YWHAZ: variants seen among roughly 807,000 people sequenced by gnomAD.
The protein encoded by YWHAZ is 14-3-3 protein zeta/delta.
For synonymous variants in YWHAZ, 87 were observed against 103.6 expected (o/e 0.84, Z 0.97); for missense variants, 79 against 284.8 (o/e 0.28, Z 5.20).
In YWHAZ at chr8:100,948,581, T is replaced by G; in HGVS notation, c.294+15A>C. The G allele has an allele frequency of 6.2e-7, 1 of 1,608,546 alleles. No homozygotes were observed. ...ACCCTACAGTATAATGAAGCCAGAC[T>G]GAATTGATTCTCACCAGTACATCAT... On this transcript the variant is annotated intron_variant, in intron 2 of 5. Transcript: ENST00000395958. The surrounding 1 kb of genome is among the most constrained non-coding windows in gnomAD (Gnocchi z 4.2).
intron 2 of YWHAZ, among the ~76,000 whole-genome samples, chr8:100,945,014 T>C (rs530311118): frequency 6.6e-6 from 1 of 152,328 alleles, no homozygotes; most frequent in East Asian, 1.9e-4. Context: ...AACTACCCAA[T>C]TTTTGGCTGC....
At chr8:100,925,232 A>C (rs998767658) in intron 2 of YWHAZ, among the ~76,000 whole-genome samples, 193 bp from the exon 3 acceptor site, 1 of 152,220 alleles carries the variant, frequency 6.6e-6, no homozygotes, top group Non-Finnish European at 1.5e-5. Context: ...CAATATTTTA[A>C]GTTTGAAGTT....
chr8:100,948,016 G>A lies in YWHAZ; in HGVS notation c.294+580C>T. ...ATACTTAAAATACTCGATTCAAACTGGAAAATCAAGCTTGAGTTGTTCATA... is the reference window on the plus strand; with the variant it reads ...ATACTTAAAATACTCGATTCAAACTAGAAAATCAAGCTTGAGTTGTTCATA... On this transcript the variant is annotated intron_variant, in intron 2 of 5. Transcript: ENST00000395958. This position sits in a 1 kb window ranked among gnomAD's most constrained non-coding sequence, Gnocchi z 4.2. 1 of 1,278,920 alleles carries A rather than the reference G, an allele frequency of 7.8e-7. No individual in the cohort carries two copies. The highest frequency in any genetic ancestry group is 1.1e-6 in the Non-Finnish European group (1 of 929,222). 79.2% of individuals were successfully genotyped at this position (1,278,920 alleles called of 1,614,324 possible).
chr8:100,942,589 C>T (rs1446654873), intron 2 of YWHAZ, among the ~76,000 whole-genome samples: 1 of 152,164 alleles, frequency 6.6e-6, no homozygotes, highest in East Asian at 1.9e-4. Context: ...AAGAACAGAG[C>T]CAATCTTCTG....
At chr8:100,920,793 G>A (rs746963551) in intron 5 of YWHAZ, 41 bp from the exon 6 acceptor site, 4 of 737,444 alleles carry the variant, frequency 5.4e-6, no homozygotes, top group Non-Finnish European at 6.3e-6. Context: ...GTTTCAGTGG[G>A]ATGGGGGGGG....
intron 2 of YWHAZ, chr8:100,934,880 ACAG>A (rs1814030685): frequency 6.6e-6 from 1 of 152,206 alleles, no homozygotes; most frequent in South Asian, 2.1e-4. Flanking sequence ...GGATGAGGTT[ACAG>A]CAGCTTTATT....
At chr8:100,951,574 C>A in intron 1 of YWHAZ, 1 of 985,324 alleles carries the variant, frequency 1.0e-6, no homozygotes, top group Non-Finnish European at 1.2e-6. Flanking sequence ...TGGATCGCGG[C>A]CGGCGGCGCC....
intron 1 of YWHAZ, chr8:100,950,376 C>A: frequency 1.0e-6 from 1 of 985,498 alleles, no homozygotes; most frequent in Non-Finnish European, 1.2e-6. Context: ...ACACTGCGGG[C>A]AGGACTCACC....
intron 2 of YWHAZ, among the ~76,000 whole-genome samples, chr8:100,938,452 A>C (rs1814357418): frequency 6.6e-6 from 1 of 152,222 alleles, no homozygotes; most frequent in African/African-American, 2.4e-5. Context: ...ACAAATCTAT[A>C]AATTATGTAA....
chr8:100,952,215 G>A (rs1474943250), upstream of YWHAZ: 9 of 961,908 alleles, frequency 9.4e-6, no homozygotes, highest in Non-Finnish European at 9.9e-6. Flanking sequence ...GCCCGCGCTG[G>A]AGGGCGAGCG....
intron 2 of YWHAZ, among the ~76,000 whole-genome samples, chr8:100,930,467 A>C (rs1323060145): frequency 6.6e-6 from 1 of 152,218 alleles, no homozygotes; most frequent in Non-Finnish European, 1.5e-5. Flanking sequence ...TTATCACAGT[A>C]CCTTAAGTTT....
rs114388078 is a variant in YWHAZ at position 100,950,524 on chromosome 8, A to G, written c.-12+1405T>C. On this transcript the variant is annotated intron_variant, in intron 1 of 5. Coordinates refer to ENST00000395958, the MANE Select transcript of YWHAZ (RefSeq NM_145690.3). The stretch of plus-strand genomic sequence containing the variant: ...TCCAGGCTCCGCCCAAGTCGGAGCC[A>G]CGGCTCAAGTCCCCGACTCTCCTCC... The G allele has an allele frequency of 1.3e-3, 1,318 of 985,582 alleles. 13 individuals carry two copies. The African/African-American group carries it at 0.021, about 16-fold the overall frequency. The allele number at this position is 985,582 out of a possible 1,614,324, so 61.1% of individuals were successfully genotyped here. A position where few individuals can be genotyped will look rare whatever the true frequency, so the allele number is the denominator to read the frequency against.
rs570594251 is a variant in YWHAZ, at chr8:100,950,512, C to G, written c.-12+1417G>C. ...CAACCACCCCCCTCCAGGCTCCGCC[C>G]AAGTCGGAGCCACGGCTCAAGTCCC... On this transcript the variant is annotated intron_variant, in intron 1 of 5. Coordinates refer to ENST00000395958, the MANE Select transcript of YWHAZ (RefSeq NM_145690.3). 4.0e-4 allele frequency: 393 copies of G among 985,480 alleles called. 9 individuals are homozygous for G. The South Asian group carries it at 0.016, about 41-fold the overall frequency. 61.0% of individuals were successfully genotyped at this position (985,480 alleles called of 1,614,324 possible).
chr8:100,924,910 G>A lies in YWHAZ; in HGVS notation c.418+6C>T. 1.2e-6 allele frequency: 2 copies of A among 1,611,820 alleles called. No individual in the cohort carries two copies. Among genetic ancestry groups the A allele is most frequent in the South Asian group, 2.2e-5 (2 of 90,986 alleles). ...AGTTCAACCAACAGGTTTAAAAACA[G>A]CATACCTTTCTTGTCATCACCAGCG... is the stretch of plus-strand genomic sequence containing the variant. On this transcript the variant is annotated splice_donor_region_variant and intron_variant, in intron 3 of 5. Coordinates refer to ENST00000395958, the MANE Select transcript of YWHAZ (RefSeq NM_145690.3). This position sits in a 1 kb window ranked among gnomAD's most constrained non-coding sequence, Gnocchi z 5.7.
chr8:100,952,167 C>A (rs901771426), upstream of YWHAZ: 6 of 984,812 alleles, frequency 6.1e-6, no homozygotes, highest in African/African-American at 5.2e-5. Context: ...GCGATCGGGG[C>A]CCCGCGTAAC....
intron 2 of YWHAZ, among the ~76,000 whole-genome samples, chr8:100,939,557 G>A (rs1814466244): frequency 6.6e-6 from 1 of 152,046 alleles, no homozygotes; most frequent in Non-Finnish European, 1.5e-5. Flanking sequence ...TACTCAGGAG[G>A]CCGAGGCAGG....
rs1005513474 is a variant in YWHAZ at position 100,922,723 on chromosome 8, A to G, written c.678+1232T>C. On this transcript the variant is annotated intron_variant, in intron 5 of 5. Coordinates refer to ENST00000395958, the MANE Select transcript of YWHAZ (RefSeq NM_145690.3). The surrounding 1 kb of genome is among the most constrained non-coding windows in gnomAD (Gnocchi z 4.1). ...TATTGCAATATGCGCTCTTCATGCT[A>G]TACTGATAGCAAAATTCAGTTGGAA... 6.6e-6 allele frequency: 1 copy of G among 152,228 alleles called. No homozygotes were observed. The highest frequency in any genetic ancestry group is 1.5e-5 in the Non-Finnish European group (1 of 68,068). 9.4% of individuals were successfully genotyped at this position (152,228 alleles called of 1,614,324 possible).
At chr8:100,950,684 A>G (rs1260384032) in intron 1 of YWHAZ, 2 of 829,560 alleles carry the variant, frequency 2.4e-6, no homozygotes, top group Non-Finnish European at 2.9e-6. Flanking sequence ...TGGGGAGCGA[A>G]GCCGCCCGAC....
chr8:100,951,117 C>T (rs1311963978), intron 1 of YWHAZ: 25 of 974,388 alleles, frequency 2.6e-5, no homozygotes, highest in Non-Finnish European at 2.4e-5. Context: ...AATTCAAGTC[C>T]TTCCTCCCAC....
Sources: allele counts gnomAD v4.1 joint callset (sites outside exome capture counted in the v4.1 genomes callset), GRCh38; gene constraint gnomAD v4.1.1; non-coding constraint Gnocchi (gnomAD v3.1); transcripts MANE v1.5; gene names NCBI Gene and HGNC (gene_info 2026-07-23, HGNC 2026-07-21).